The following DMXL1 variants were observed in gnomAD, a reference collection of about 807,000 sequenced individuals.
The protein encoded by DMXL1 is Dmx like 1, also known as dmX-like protein 1.
In DMXL1, 99 loss-of-function variants were observed where a neutral mutation model predicts 319.2. That is an observed-to-expected ratio of 0.31 (90% CI 0.26 to 0.37). DMXL1 has a LOEUF of 0.37. Ranked by LOEUF, DMXL1 falls within the 10% of genes least tolerant of loss-of-function variation. The pLI is 1.00. For synonymous variants in DMXL1, 1,385 were observed against 1,235.2 expected (o/e 1.12, Z -2.54); for missense variants, 3,745 against 3,595.6 (o/e 1.04, Z -1.06).
rs528306205 is a variant in DMXL1, at chr5:119,159,581, A to G, written c.4703-4926A>G. Among the ~76,000 whole-genome samples, 9 of 152,328 alleles carry G rather than the reference A, an allele frequency of 5.9e-5. No individual in the cohort carries two copies. In the East Asian group the frequency reaches 1.7e-3, roughly 29 times the overall value. On this transcript the variant is annotated intron_variant, in intron 19 of 43. Transcript: ENST00000539542. ...ATCTCTTATGATTATTTGTGGTATC[A>G]GTTGTAGTGTCTCTTCGTTAACTTC...
intron 25 of DMXL1, among the ~76,000 whole-genome samples, chr5:119,173,479 C>G (rs1775018658): frequency 6.6e-6 from 1 of 151,626 alleles, no homozygotes; most frequent in African/African-American, 2.4e-5. Flanking sequence ...TCTGGACTCT[C>G]TCATTCATCT....
intron 35 of DMXL1, among the ~76,000 whole-genome samples, chr5:119,218,426 A>ATTTAT (rs1218226274): frequency 2.3e-4 from 35 of 151,850 alleles, no homozygotes; most frequent in East Asian, 1.4e-3. Context: ...TGCTATTTTT[A>ATTTAT]TTTATTTTAT....
At chr5:119,074,703 C>T (rs966350632) in intron 1 of DMXL1, among the ~76,000 whole-genome samples, 1 of 152,230 alleles carries the variant, frequency 6.6e-6, no homozygotes, top group Non-Finnish European at 1.5e-5. Context: ...CAATGACCAT[C>T]TCTCCTGTGC....
At chr5:119,161,168 G>C (rs1318636349) in intron 19 of DMXL1, among the ~76,000 whole-genome samples, 1 of 152,194 alleles carries the variant, frequency 6.6e-6, no homozygotes, top group Non-Finnish European at 1.5e-5. Context: ...AGGGAGGCAG[G>C]GCTTGCAGTT....
At chr5:119,113,899 C>T (rs1760226106) in intron 5 of DMXL1, among the ~76,000 whole-genome samples, 1 of 152,064 alleles carries the variant, frequency 6.6e-6, no homozygotes, top group Non-Finnish European at 1.5e-5. Context: ...AAAAGGAAAG[C>T]AGTGATAGTG....
In DMXL1 at chr5:119,146,913, A is replaced by G; in HGVS notation, c.2646A>G (p.Leu882=). The G allele has an allele frequency of 6.2e-7, 1 of 1,612,416 alleles. No individual in the cohort carries two copies. The highest frequency in any genetic ancestry group is 8.5e-7 in the Non-Finnish European group (1 of 1,179,046). The change falls in exon 16 of 44, where the codon TTA becomes TTG. Residue 882 remains leucine (L), a synonymous_variant. Transcript: ENST00000539542. ...GCACTCAAGACAACCGTTCACTGTT[A>G]CACATGTGGAATTTACATCTAAAGT... The part of the protein sequence containing the change: ...IECTQDNRSL[L]HMWNLHLKSI...
intron 19 of DMXL1, 57 bp from the exon 20 acceptor site, chr5:119,164,450 A>T: frequency 7.0e-7 from 1 of 1,431,784 alleles, no homozygotes; most frequent in African/African-American, 1.4e-5. Context: ...TACATTTCTG[A>T]TAATCATATA....
chr5:119,112,344 G>A (rs923435048), intron 5 of DMXL1, among the ~76,000 whole-genome samples: 1 of 152,112 alleles, frequency 6.6e-6, no homozygotes, highest in Admixed American at 6.5e-5. Context: ...AGATTGCCAG[G>A]TTTCATTCCT....
intron 32 of DMXL1, among the ~76,000 whole-genome samples, chr5:119,199,224 C>T (rs1780224604): frequency 6.6e-6 from 1 of 152,108 alleles, no homozygotes; most frequent in Admixed American, 6.5e-5. Context: ...TTCTCCTCCC[C>T]ACTTCCCCCT....
At chr5:119,145,959 A>G (rs762960777) in intron 15 of DMXL1, among the ~76,000 whole-genome samples, 1 of 151,782 alleles carries the variant, frequency 6.6e-6, no homozygotes, top group East Asian at 1.9e-4. Flanking sequence ...TACTTTTGTT[A>G]TAATCTTTAT....
At chr5:119,082,514 A>G (rs778224181) in intron 1 of DMXL1, among the ~76,000 whole-genome samples, 89 of 152,282 alleles carry the variant, frequency 5.8e-4, no homozygotes, top group African/African-American at 1.9e-3. Flanking sequence ...GGCTCAAGCA[A>G]TCCTCCCACA....
intron 9 of DMXL1, among the ~76,000 whole-genome samples, chr5:119,127,530 C>G (rs780266155): frequency 6.6e-6 from 1 of 152,206 alleles, no homozygotes; most frequent in African/African-American, 2.4e-5. Context: ...CTTCTGCCTC[C>G]TGGCTTCAAG....
chr5:119,245,898 A>G (rs1581531979), intron 43 of DMXL1, among the ~76,000 whole-genome samples: 1 of 101,024 alleles, frequency 9.9e-6, no homozygotes, highest in Non-Finnish European at 1.7e-5. Flanking sequence ...AATCAAGGTT[A>G]AAAAAAAAAA....
At chr5:119,199,690 G>A (rs140410003) in intron 32 of DMXL1, among the ~76,000 whole-genome samples, 187 of 152,218 alleles carry the variant, frequency 1.2e-3, no homozygotes, top group African/African-American at 1.6e-3. Flanking sequence ...CTGACAGTGC[G>A]TAAGTGTTCC....
rs184962852 is a variant in DMXL1, at chr5:119,079,971, A to G, written c.87+8315A>G. Among the ~76,000 whole-genome samples, 15 of 152,282 alleles carry G rather than the reference A, an allele frequency of 9.9e-5. No individual in the cohort carries two copies. The East Asian group carries it at 2.9e-3, about 29-fold the overall frequency. On this transcript the variant is annotated intron_variant, in intron 1 of 43. Transcript: ENST00000539542. Reference sequence around the variant, plus strand: ...TCATTCTACATGCAGCTCCTGGTGTATAGTCTGTGATGGTGAGATCCCTGT... The same window carrying G: ...TCATTCTACATGCAGCTCCTGGTGTGTAGTCTGTGATGGTGAGATCCCTGT...
chr5:119,203,219 G>A (rs1013891690), intron 32 of DMXL1, 100 bp from the exon 33 acceptor site: 3 of 719,366 alleles, frequency 4.2e-6, no homozygotes, highest in Non-Finnish European at 6.8e-6. Flanking sequence ...CAGTCTGATT[G>A]CAGTTAATTT....
chr5:119,206,993 G>T, intron 34 of DMXL1, 97 bp downstream of exon 34: 5 of 681,728 alleles, frequency 7.3e-6, no homozygotes, highest in Admixed American at 2.9e-5. Flanking sequence ...TGTTTCCAAT[G>T]GATTTAAAGT....
At chr5:119,122,584 G>A (rs1762420697) in intron 9 of DMXL1, among the ~76,000 whole-genome samples, 1 of 151,162 alleles carries the variant, frequency 6.6e-6, no homozygotes, top group Middle Eastern at 3.2e-3. Context: ...TCACTTCTCT[G>A]ACGGGTCGGT....
chr5:119,221,663 C>G lies in DMXL1; in HGVS notation c.8277+582C>G, dbSNP rs1473597680. ...AATGCCCATAAAGCCAAAACACTTG[C>G]TATCCAGTCCTTTATAAAAAAAGGT... is the stretch of plus-strand genomic sequence containing the variant. On this transcript the variant is annotated intron_variant, in intron 37 of 43. Transcript: ENST00000539542. Among the ~76,000 whole-genome samples, 4 of 152,044 alleles carry G rather than the reference C, an allele frequency of 2.6e-5. No homozygotes were observed. The East Asian group carries it at 7.7e-4, about 29-fold the overall frequency.
Sources: gnomAD v4.1 joint callset for allele counts (sites outside exome capture counted in the v4.1 genomes callset) on GRCh38, gnomAD v4.1.1 for gene constraint, MANE v1.5 for transcripts, NCBI Gene and HGNC (gene_info 2026-07-23, HGNC 2026-07-21) for gene names.